Variants in SEMA3F observed in about 807,000 individuals in gnomAD.
SEMA3F encodes semaphorin-3F.
In SEMA3F, 30 loss-of-function variants were observed where a neutral mutation model predicts 98.5. The observed-to-expected ratio is 0.30, with a 90% CI of 0.23 to 0.41. SEMA3F has a LOEUF of 0.41. SEMA3F is among the 10% of genes least tolerant of loss of function. The pLI is 1.00. For synonymous variants in SEMA3F, 380 were observed against 444.8 expected (o/e 0.85, Z 1.83); for missense variants, 866 against 1,119.3 (o/e 0.77, Z 3.23).
chr3:50,168,906 T>C (rs933438265), intron 2 of SEMA3F, among the ~76,000 whole-genome samples: 5 of 152,190 alleles, frequency 3.3e-5, no homozygotes, highest in Non-Finnish European at 5.9e-5. Context: ...GTGCCTCCCC[T>C]TGTCCCCCAG....
In SEMA3F at chr3:50,183,191, G is replaced by C. The variant is rs571093852; in HGVS notation, c.1024G>C (p.Val342Leu). The change falls in exon 11 of 19, where the codon GTG becomes CTG. Residue 342 changes from valine (V) to leucine (L), a missense_variant. Around this residue, in one of 3 missense-constraint regions of SEMA3F, gnomAD observed 374 missense variants for 582.8 expected, o/e 0.64. Transcript: ENST00000002829. ...CCTTCTCCCTCTGTCCCCAGAGGAC[G>C]TGTTTGTCCAGCAGACCCAGGACGT... ...IETHFDELQD[V>L]FVQQTQDVRN... 4 of 1,614,092 alleles carry C rather than the reference G, an allele frequency of 2.5e-6. No homozygotes were observed. The highest frequency in any genetic ancestry group is 3.3e-5 in the Admixed American group (2 of 60,034).
chr3:50,158,537 C>A lies in SEMA3F; in HGVS notation c.-48-1038C>A, dbSNP rs143939968. Among the ~76,000 whole-genome samples the A allele has an allele frequency of 1.3e-5, 2 of 152,352 alleles. No individual in the cohort carries two copies. The highest frequency in any genetic ancestry group is 4.8e-5 in the African/African-American group (2 of 41,582). On this transcript the variant is annotated intron_variant, in intron 1 of 18. Transcript: ENST00000002829. The surrounding 1 kb of genome is among the most constrained non-coding windows in gnomAD (Gnocchi z 4.8). Reference sequence around the variant, plus strand: ...GAGTCCCAGGCCATAGTACTGCCAACTCCCATCCCAGCATCCTAGAGATGG... The same window carrying A: ...GAGTCCCAGGCCATAGTACTGCCAAATCCCATCCCAGCATCCTAGAGATGG...
chr3:50,176,993 A>G, intron 7 of SEMA3F, 132 bp downstream of exon 7: 2 of 733,940 alleles, frequency 2.7e-6, no homozygotes, highest in Non-Finnish European at 4.7e-6. Flanking sequence ...AAAAGGCCCC[A>G]CCTGGCAAGG....
At position 50,183,422 on chromosome 3, in the gene SEMA3F, C is replaced by G; in HGVS notation, c.1091C>G (p.Ser364Cys). ...AGCAGCGCCTGCCATGCCCACAGCT[C>G]CGTGTTCCGAGGCTCTGCCGTGTGT... ...VIYAVFTSSG[S>C]VFRGSAVCVY... Residue 364 changes from serine to cysteine, a missense_variant and splice_region_variant, in exon 12 of 19, where the codon TCC becomes TGC. By Grantham distance (112) the Ser-to-Cys change is moderately radical (BLOSUM62 -1). Coordinates refer to ENST00000002829, the MANE Select transcript of SEMA3F (RefSeq NM_004186.5). 3 of 1,613,960 alleles carry G rather than the reference C, an allele frequency of 1.9e-6. No homozygotes were observed. In the South Asian group the frequency reaches 3.3e-5, roughly 18 times the overall value.
intron 2 of SEMA3F, 148 bp from the exon 3 acceptor site, chr3:50,173,645 A>C (rs1698695873): frequency 1.5e-6 from 1 of 667,902 alleles, no homozygotes; most frequent in Non-Finnish European, 2.5e-6. Flanking sequence ...TGATCTCGTA[A>C]AAAGAAAAAA....
intron 2 of SEMA3F, among the ~76,000 whole-genome samples, chr3:50,164,232 G>A (rs754848165): frequency 6.6e-5 from 10 of 152,182 alleles, no homozygotes; most frequent in South Asian, 2.1e-4. Flanking sequence ...CATGATGCCC[G>A]CCCCTCCTTC....
At chr3:50,162,069 C>T (rs1315573520) in intron 2 of SEMA3F, among the ~76,000 whole-genome samples, 1 of 152,216 alleles carries the variant, frequency 6.6e-6, no homozygotes, top group Admixed American at 6.5e-5. Flanking sequence ...TGGATGGACA[C>T]AGCAGTTGAC....
chr3:50,188,038 C>A lies in SEMA3F; in HGVS notation c.2281C>A (p.Pro761Thr). 1 of 1,593,922 alleles carries A rather than the reference C, an allele frequency of 6.3e-7. No individual in the cohort carries two copies. The highest frequency in any genetic ancestry group is 2.3e-5 in the East Asian group (1 of 43,666). Reference sequence around the variant, plus strand: ...TGTGCCCCCCAGCCCCAGGGAGGCTCCAGGGGCACCCCGGTCTCCTGAGCC... The same window carrying A: ...TGTGCCCCCCAGCCCCAGGGAGGCTACAGGGGCACCCCGGTCTCCTGAGCC... The part of the protein sequence containing the change: ...RHVPPSPREA[P>T]GAPRSPEPQD... Residue 761 changes from proline to threonine, a missense_variant, in exon 19 of 19, where the codon CCA (proline) becomes ACA (threonine). Pro to Thr is a conservative substitution (Grantham distance 38). Coordinates refer to ENST00000002829, the MANE Select transcript of SEMA3F (RefSeq NM_004186.5). The surrounding 1 kb of genome is among the most constrained non-coding windows in gnomAD (Gnocchi z 4.5).
Position 50,185,951 on chromosome 3 carries a change from G to A in SEMA3F, c.1650G>A (p.Ala550=), listed in dbSNP as rs551534833. 25 of 1,614,046 alleles carry A rather than the reference G, an allele frequency of 1.5e-5. No homozygotes were observed. The highest frequency in any genetic ancestry group is 1.6e-4 in the Middle Eastern group (1 of 6,062). ...ACCTGAGCCTGCACCGCTGCCAGGC[G>A]TATGGGGCTGCCTGTGCTGACTGCT... The part of the protein sequence containing the change: ...VTHLSLHRCQ[A]YGAACADCCL... Residue 550 remains alanine (A), a synonymous_variant, in exon 16 of 19, where the codon GCG becomes GCA. Transcript: ENST00000002829.
intron 18 of SEMA3F, among the ~76,000 whole-genome samples, 164 bp downstream of exon 18, chr3:50,186,910 C>G (rs571545857): frequency 1.3e-5 from 2 of 152,318 alleles, no homozygotes; most frequent in East Asian, 3.9e-4. Context: ...TGGAAACTCC[C>G]TGGGATTGGC....
Position 50,155,331 on chromosome 3 carries a change from C to A in SEMA3F, c.-282C>A. ...CCCAGGGGAGGCGGCCCCGAGCGCC[C>A]CTGAGCCTTCCCATGGCCCGGGCTG... is the stretch of plus-strand genomic sequence containing the variant. On this transcript the variant is annotated 5_prime_UTR_variant, in exon 1 of 19. Coordinates refer to ENST00000002829, the MANE Select transcript of SEMA3F (RefSeq NM_004186.5). The surrounding 1 kb of genome is among the most constrained non-coding windows in gnomAD (Gnocchi z 4.9). 1 of 304,030 alleles carries A rather than the reference C, an allele frequency of 3.3e-6. No homozygotes were observed. Among genetic ancestry groups the A allele is most frequent in the South Asian group, 1.4e-4 (1 of 6,916 alleles). The allele number at this position is 304,030 out of a possible 1,614,324, so 18.8% of individuals were successfully genotyped here. A position where few individuals can be genotyped will look rare whatever the true frequency, so the allele number is the denominator to read the frequency against.
At chr3:50,185,122 C>T (rs1472463895) in intron 13 of SEMA3F, among the ~76,000 whole-genome samples, 1 of 152,212 alleles carries the variant, frequency 6.6e-6, no homozygotes, top group Non-Finnish European at 1.5e-5. Flanking sequence ...AGAGGCCATA[C>T]ACATGCTCGT....
In SEMA3F at chr3:50,186,693, C is replaced by T. The variant is rs756635384; in HGVS notation, c.1894C>T (p.Gln632Ter). The change falls in exon 18 of 19, where the codon CAA becomes TAA. Residue 632 changes from glutamine to a stop codon, truncating the protein, a stop_gained. Transcript: ENST00000002829. LOFTEE classifies it high-confidence loss of function. ...CCTTGAGTGCCAGCCCCGCTCGCCC[C>T]AAGCCACTGTTAAGTGGCTGTTCCA... ...AFLECQPRSP[Q>*]ATVKWLFQRD... The T allele has an allele frequency of 6.2e-7, 1 of 1,608,926 alleles. No homozygotes were observed.
In SEMA3F at chr3:50,182,726, G is replaced by A. The variant is rs771903017; in HGVS notation, c.846G>A (p.Arg282=). 47 of 1,613,334 alleles carry A rather than the reference G, an allele frequency of 2.9e-5. No individual in the cohort carries two copies. The highest frequency in any genetic ancestry group is 3.8e-5 in the Non-Finnish European group (45 of 1,180,038). ...DDKLYFFFRE[R]SAEAPQSPAV... ...AGCTTTACTTCTTCTTCCGTGAGCGGTCGGCAGAGGCGCCGCAGAGCCCCG... is the reference window on the plus strand; with the variant it reads ...AGCTTTACTTCTTCTTCCGTGAGCGATCGGCAGAGGCGCCGCAGAGCCCCG... Residue 282 remains arginine, a synonymous_variant, in exon 9 of 19, where the codon CGG becomes CGA. Transcript: ENST00000002829. This position sits in a 1 kb window ranked among gnomAD's most constrained non-coding sequence, Gnocchi z 4.5.
At chr3:50,157,121 G>A (rs1265276424) in intron 1 of SEMA3F, among the ~76,000 whole-genome samples, 5 of 151,582 alleles carry the variant, frequency 3.3e-5, no homozygotes, top group Non-Finnish European at 5.9e-5. Context: ...TCCTCAGCTC[G>A]GAGGAGCCAA....
chr3:50,185,960 T>C lies in SEMA3F; in HGVS notation c.1659T>C (p.Ala553=), dbSNP rs1699197106. ...TGCACCGCTGCCAGGCGTATGGGGCTGCCTGTGCTGACTGCTGCCTTGCCC... is the reference window on the plus strand; with the variant it reads ...TGCACCGCTGCCAGGCGTATGGGGCCGCCTGTGCTGACTGCTGCCTTGCCC... The part of the protein sequence containing the change: ...LSLHRCQAYG[A]ACADCCLARD... The change falls in exon 16 of 19, where the codon GCT becomes GCC. Residue 553 remains alanine (A), a synonymous_variant. Coordinates refer to ENST00000002829, the MANE Select transcript of SEMA3F (RefSeq NM_004186.5). 6.2e-7 allele frequency: 1 copy of C among 1,613,972 alleles called. No homozygotes were observed. Among genetic ancestry groups the C allele is most frequent in the African/African-American group, 1.3e-5 (1 of 74,940 alleles).
Position 50,156,647 on chromosome 3 carries a change from G to A in SEMA3F, c.-49+1083G>A, listed in dbSNP as rs566918151. Among the ~76,000 whole-genome samples, 2 of 152,336 alleles carry A rather than the reference G, an allele frequency of 1.3e-5. No homozygotes were observed. The highest frequency in any genetic ancestry group is 4.8e-5 in the African/African-American group (2 of 41,570). On this transcript the variant is annotated intron_variant, in intron 1 of 18. Coordinates refer to ENST00000002829, the MANE Select transcript of SEMA3F (RefSeq NM_004186.5). This position sits in a 1 kb window ranked among gnomAD's most constrained non-coding sequence, Gnocchi z 4.5. ...TGAGGCCTCTTCCCAGGCTACCCAAGGGGTGTGCCAGGACCCCGTAGGGTA... is the reference window on the plus strand; with the variant it reads ...TGAGGCCTCTTCCCAGGCTACCCAAAGGGTGTGCCAGGACCCCGTAGGGTA...
intron 2 of SEMA3F, among the ~76,000 whole-genome samples, chr3:50,170,795 C>T (rs1312693384): frequency 1.3e-5 from 2 of 152,052 alleles, no homozygotes; most frequent in East Asian, 3.9e-4. Context: ...CTGGGGCTCC[C>T]CCTCCCCCCA....
At chr3:50,162,861 G>T (rs1007308338) in intron 2 of SEMA3F, among the ~76,000 whole-genome samples, 1 of 152,222 alleles carries the variant, frequency 6.6e-6, no homozygotes, top group Non-Finnish European at 1.5e-5. Flanking sequence ...TAGGGAGAGG[G>T]AGCAGAAGGT....
Sources: allele counts gnomAD v4.1 joint callset (sites outside exome capture counted in the v4.1 genomes callset), GRCh38; gene constraint gnomAD v4.1.1; regional missense constraint gnomAD v4.1.1; non-coding constraint Gnocchi (gnomAD v3.1); transcripts MANE v1.5; gene names NCBI Gene and HGNC (gene_info 2026-07-23, HGNC 2026-07-21).